Variants in PCDHGA7 observed in about 807,000 individuals in gnomAD.
PCDHGA7 encodes the protein protocadherin gamma-A7.
Under a neutral mutation model 58.3 loss-of-function variants are expected in PCDHGA7, and 44 were observed. The observed-to-expected ratio is 0.75, with a 90% CI of 0.59 to 0.97. The LOEUF (loss-of-function observed/expected upper bound fraction) is 0.97, where lower values mean the gene tolerates loss of function less well. PCDHGA7 is among the 50% of genes least tolerant of loss of function. The pLI is 0.00. For synonymous variants in PCDHGA7, 516 were observed against 504.2 expected, an observed-to-expected ratio of 1.02 and a Z score of -0.31; for missense variants, 1,266 against 1,188.7, an observed-to-expected ratio of 1.06 and a Z score of -0.96.
chr5:141,420,540 A>G, intron 1 of PCDHGA7: 1 of 306,814 alleles, frequency 3.3e-6, no homozygotes, highest in Non-Finnish European at 5.7e-6. Context: ...AAAAATATAA[A>G]ATACAGGTAT....
intron 1 of PCDHGA7, chr5:141,439,735 G>A (rs1317592646): frequency 1.3e-5 from 2 of 152,360 alleles, no homozygotes; most frequent in Non-Finnish European, 2.9e-5. Flanking sequence ...AGCAGGAACG[G>A]AACGGATTTA....
chr5:141,437,094 G>A (rs1183502010), intron 1 of PCDHGA7, among the ~76,000 whole-genome samples: 3 of 152,126 alleles, frequency 2.0e-5, no homozygotes, highest in African/African-American at 4.8e-5. Context: ...TGAAACTAAC[G>A]GCTTAGCTTT....
Position 141,431,633 on chromosome 5 carries a change from T to A in PCDHGA7, c.2424+46310T>A. ...TGTGGACGACAAGGCGGCCCAAGTT[T>A]TCAAACTAGATTGTAATTCAGGGAC... On this transcript the variant is annotated intron_variant, in intron 1 of 3. Coordinates refer to ENST00000518325, the MANE Select transcript of PCDHGA7 (RefSeq NM_018920.4). The surrounding 1 kb of genome is among the most constrained non-coding windows in gnomAD (Gnocchi z 4.8). 1 of 1,614,240 alleles carries A rather than the reference T, an allele frequency of 6.2e-7. No individual in the cohort carries two copies. The highest frequency in any genetic ancestry group is 8.5e-7 in the Non-Finnish European group (1 of 1,180,048).
rs1189175823 is a variant in PCDHGA7 at position 141,422,087 on chromosome 5, G to T, written c.2424+36764G>T. 2 of 1,611,966 alleles carry T rather than the reference G, an allele frequency of 1.2e-6. No individual in the cohort carries two copies. ...ATGTATTCATTTCGGAACATGGAAA[G>T]CAAGGCTTCTGAAATATTCCAATTG... is the stretch of plus-strand genomic sequence containing the variant. On this transcript the variant is annotated intron_variant, in intron 1 of 3. Transcript: ENST00000518325.
At chr5:141,494,161 T>G (rs1420295862) in intron 1 of PCDHGA7, among the ~76,000 whole-genome samples, 3 of 152,052 alleles carry the variant, frequency 2.0e-5, no homozygotes, top group African/African-American at 7.3e-5. Flanking sequence ...TGGCACGGAG[T>G]TCTAGGGGTG....
intron 1 of PCDHGA7, among the ~76,000 whole-genome samples, chr5:141,468,064 C>T (rs1026571562): frequency 3.3e-5 from 5 of 152,076 alleles, no homozygotes; most frequent in Non-Finnish European, 7.4e-5. Flanking sequence ...GTGGCTCACA[C>T]CTGTAATCCC....
At chr5:141,423,980 G>A (rs2154550577) in intron 1 of PCDHGA7, 1 of 1,110,878 alleles carries the variant, frequency 9.0e-7, no homozygotes, top group South Asian at 4.5e-5. Flanking sequence ...AGTGTATGAG[G>A]CTCTCAATTT....
intron 1 of PCDHGA7, chr5:141,393,536 T>G: frequency 6.2e-7 from 1 of 1,613,934 alleles, no homozygotes; most frequent in South Asian, 1.1e-5. Flanking sequence ...ATGCCCCGGT[T>G]TTTCCTCACC....
chr5:141,382,762 C>T lies in PCDHGA7; in HGVS notation c.-138C>T. ...ACGACAGATTGCGATAAGCCCTCTT[C>T]CAGGCTGCACTAAACTCAAGCCTCT... On this transcript the variant is annotated 5_prime_UTR_variant, in exon 1 of 4. Coordinates refer to ENST00000518325, the MANE Select transcript of PCDHGA7 (RefSeq NM_018920.4). 1.4e-6 allele frequency: 1 copy of T among 690,986 alleles called. No homozygotes were observed. Among genetic ancestry groups the T allele is most frequent in the Non-Finnish European group, 2.4e-6 (1 of 420,214 alleles). The allele number at this position is 690,986 out of a possible 1,614,324, so 42.8% of individuals were successfully genotyped here. A position where few individuals can be genotyped will look rare whatever the true frequency, so the allele number is the denominator to read the frequency against.
At chr5:141,506,237 T>G (rs558256375) in intron 3 of PCDHGA7, among the ~76,000 whole-genome samples, 1 of 152,014 alleles carries the variant, frequency 6.6e-6, no homozygotes, top group South Asian at 2.1e-4. Flanking sequence ...GATCATGAGG[T>G]CAGGAGTTCG....
At chr5:141,478,044 C>G in intron 1 of PCDHGA7, 1 of 1,614,184 alleles carries the variant, frequency 6.2e-7, no homozygotes. Flanking sequence ...CCCAGGCAGA[C>G]TCTCACGGTC....
intron 2 of PCDHGA7, among the ~76,000 whole-genome samples, chr5:141,496,353 C>T (rs761547879): frequency 4.6e-5 from 7 of 152,210 alleles, no homozygotes; most frequent in Non-Finnish European, 8.8e-5. Context: ...AGTCTCAGAG[C>T]CCAGGGAGAG....
chr5:141,392,548 T>C (rs1252345592), intron 1 of PCDHGA7: 1 of 344,860 alleles, frequency 2.9e-6, no homozygotes, highest in African/African-American at 2.1e-5. Context: ...AAGTAATCTG[T>C]ATCTCAGTGC....
intron 1 of PCDHGA7, chr5:141,424,706 T>G (rs752721357): frequency 4.6e-5 from 7 of 152,190 alleles, no homozygotes; most frequent in Non-Finnish European, 8.8e-5. Context: ...TTTGTTCATT[T>G]TCAGTGTAGT....
At chr5:141,408,302 C>G (rs1017556555) in intron 1 of PCDHGA7, 1 of 1,613,662 alleles carries the variant, frequency 6.2e-7, no homozygotes. Flanking sequence ...TGAGCCGATC[C>G]GCTACTCGAT....
intron 1 of PCDHGA7, chr5:141,389,708 G>A: frequency 6.2e-7 from 1 of 1,612,610 alleles, no homozygotes; most frequent in South Asian, 1.1e-5. Context: ...ACGTGCTGCA[G>A]GCTAGCGAGC....
intron 1 of PCDHGA7, among the ~76,000 whole-genome samples, chr5:141,406,035 T>C (rs989362338): frequency 4.6e-5 from 7 of 151,898 alleles, no homozygotes; most frequent in Non-Finnish European, 1.0e-4. Flanking sequence ...GGTTGCTTCA[T>C]TGGTTGCAGT....
chr5:141,428,200 G>A (rs1000165985), intron 1 of PCDHGA7: 3 of 1,363,858 alleles, frequency 2.2e-6, no homozygotes, highest in East Asian at 2.3e-5. Flanking sequence ...TCTCTGCGCC[G>A]CTACGCTTCA....
At chr5:141,389,235 TCA>T (rs2091656158) in intron 1 of PCDHGA7, 4 of 1,614,080 alleles carry the variant, frequency 2.5e-6, no homozygotes, top group Non-Finnish European at 2.5e-6. Flanking sequence ...TCCGGTTTTC[TCA>T]CAGTCTTCCT....
Sources: allele counts gnomAD v4.1 joint callset (sites outside exome capture counted in the v4.1 genomes callset), GRCh38; gene constraint gnomAD v4.1.1; non-coding constraint Gnocchi (gnomAD v3.1); transcripts MANE v1.5; gene names NCBI Gene and HGNC (gene_info 2026-07-23, HGNC 2026-07-21).